The following RPF2 variants were observed in gnomAD, a reference collection of about 807,000 sequenced individuals.
The protein encoded by RPF2 is brix domain containing 1.
A neutral mutation model predicts 38.9 loss-of-function variants in RPF2; 21 were observed. That is an observed-to-expected ratio of 0.54 (90% CI 0.38 to 0.78). The LOEUF is 0.78. RPF2 is among the 30% of genes least tolerant of loss of function. The probability of loss-of-function intolerance (pLI) is 0.00; values close to 1 mark genes in which losing one functional copy is unlikely to be tolerated. For missense variants in RPF2, 314 were observed against 358.1 expected, an observed-to-expected ratio of 0.88 and a Z score of 0.99; for synonymous variants, 121 against 126.2, an observed-to-expected ratio of 0.96 and a Z score of 0.28.
intron 3 of RPF2, among the ~76,000 whole-genome samples, chr6:110,991,275 G>T (rs559462626): frequency 6.6e-6 from 1 of 151,308 alleles, no homozygotes; most frequent in African/African-American, 2.4e-5. Context: ...GCTTTTTATT[G>T]TTCCTTTTTC....
At chr6:111,021,297 A>G (rs138726339) in intron 8 of RPF2, among the ~76,000 whole-genome samples, 80 of 152,332 alleles carry the variant, frequency 5.3e-4, no homozygotes, top group African/African-American at 1.6e-3. Flanking sequence ...AAAAAGTTTG[A>G]AATTTTAAAA....
At position 111,018,087 on chromosome 6, in the gene RPF2, C is replaced by A. The variant is rs540499816; in HGVS notation, c.596+2231C>A. On this transcript the variant is annotated intron_variant, in intron 8 of 9. Transcript: ENST00000441448. The stretch of plus-strand genomic sequence containing the variant: ...AACCAGTCAGGCGTGGCGGCGCGCG[C>A]CTGCAGTCGCAGGCACTCGGCAGGC... Among the ~76,000 whole-genome samples the A allele has an allele frequency of 1.4e-3, 207 of 152,094 alleles. 1 individual carries two copies. The highest frequency in any genetic ancestry group is 2.7e-3 in the Non-Finnish European group (185 of 67,958).
chr6:111,017,372 T>C (rs9386989), intron 8 of RPF2, among the ~76,000 whole-genome samples: 56,387 of 144,380 alleles, frequency 0.39, 11,748 homozygotes, highest in East Asian at 0.77. Context: ...GCCTCCCTCC[T>C]GGACGGGGCG....
intron 8 of RPF2, among the ~76,000 whole-genome samples, chr6:111,023,848 T>C (rs1583277586): frequency 6.6e-6 from 1 of 151,626 alleles, no homozygotes; most frequent in Non-Finnish European, 1.5e-5. Flanking sequence ...ATTAGCCAGG[T>C]GTGGTGGCGG....
chr6:111,012,722 T>C (rs1363372477), intron 7 of RPF2, among the ~76,000 whole-genome samples: 1 of 152,128 alleles, frequency 6.6e-6, no homozygotes, highest in African/African-American at 2.4e-5. Context: ...CAGGCTGGAG[T>C]GCAATGGAGC....
At chr6:111,012,509 T>A (rs963341821) in intron 7 of RPF2, among the ~76,000 whole-genome samples, 9 of 152,090 alleles carry the variant, frequency 5.9e-5, no homozygotes, top group South Asian at 2.1e-4. Flanking sequence ...TATGGTTGTT[T>A]AAAAAAATTT....
chr6:110,997,952 T>C (rs981095476), intron 5 of RPF2, among the ~76,000 whole-genome samples: 1 of 151,446 alleles, frequency 6.6e-6, no homozygotes, highest in African/African-American at 2.4e-5. Context: ...TCACCCAGAC[T>C]GGAGTGCAAT....
chr6:111,005,204 G>A (rs1287432011), intron 6 of RPF2, among the ~76,000 whole-genome samples: 1 of 152,198 alleles, frequency 6.6e-6, no homozygotes, highest in Admixed American at 6.5e-5. Flanking sequence ...ATGTCAACAA[G>A]AGTGGTCATG....
At chr6:111,019,003 G>A (rs748418974) in intron 8 of RPF2, among the ~76,000 whole-genome samples, 28 of 152,050 alleles carry the variant, frequency 1.8e-4, no homozygotes, top group Non-Finnish European at 3.2e-4. Flanking sequence ...ATTGCTCGAG[G>A]CCAGGAGTTC....
chr6:111,019,169 G>A (rs118033510), intron 8 of RPF2, among the ~76,000 whole-genome samples: 2,128 of 152,244 alleles, frequency 0.014, 26 homozygotes, highest in Middle Eastern at 0.041. Context: ...GATCACTTGA[G>A]GAGTTCAAGA....
intron 8 of RPF2, among the ~76,000 whole-genome samples, chr6:111,017,734 C>T (rs1268238205): frequency 2.1e-3 from 302 of 144,928 alleles, no homozygotes; most frequent in East Asian, 0.01. Flanking sequence ...CCAGACTGGG[C>T]AGCCGGGCAG....
At chr6:111,011,305 TTTC>T (rs201427637) in intron 7 of RPF2, among the ~76,000 whole-genome samples, 3,235 of 134,564 alleles carry the variant, frequency 0.024, 81 homozygotes, top group African/African-American at 0.071. Flanking sequence ...TCTTTCTTTC[TTTC>T]TTTTTTTTTT....
chr6:110,982,315 C>T, intron 1 of RPF2, 186 bp downstream of exon 1: 1 of 647,362 alleles, frequency 1.5e-6, no homozygotes, highest in Non-Finnish European at 2.7e-6. Context: ...GGGAAGCTCT[C>T]AAGTGGGAGC....
chr6:110,982,209 C>G (rs1771443990), intron 1 of RPF2, 80 bp downstream of exon 1: 3 of 1,494,346 alleles, frequency 2.0e-6, no homozygotes, highest in Non-Finnish European at 2.8e-6. Flanking sequence ...CTCGGCCTCT[C>G]ACTCTTCCTG....
At chr6:111,000,942 T>C (rs538909289) in intron 6 of RPF2, among the ~76,000 whole-genome samples, 1 of 152,164 alleles carries the variant, frequency 6.6e-6, no homozygotes, top group Non-Finnish European at 1.5e-5. Context: ...TAGTTGGAAG[T>C]ATTGTAGCAA....
intron 8 of RPF2, among the ~76,000 whole-genome samples, chr6:111,017,177 G>T (rs962220840): frequency 1.3e-5 from 2 of 152,100 alleles, no homozygotes; most frequent in African/African-American, 2.4e-5. Flanking sequence ...ATCATGGCCC[G>T]TTCTCAATGA....
At chr6:111,000,025 C>G (rs1259593273) in intron 6 of RPF2, among the ~76,000 whole-genome samples, 1 of 151,498 alleles carries the variant, frequency 6.6e-6, no homozygotes, top group African/African-American at 2.4e-5. Flanking sequence ...ACTGTGGTTA[C>G]TAATTCTTGT....
At chr6:110,999,681 T>A (rs756739143) in intron 5 of RPF2, 30 bp from the exon 6 acceptor site, 1 of 1,465,390 alleles carries the variant, frequency 6.8e-7, no homozygotes, top group East Asian at 2.3e-5. Flanking sequence ...TTGGGAAAAA[T>A]ACATGCTTAA....
intron 7 of RPF2, 67 bp downstream of exon 7, chr6:111,008,204 G>C (rs1771950797): frequency 1.4e-6 from 2 of 1,470,666 alleles, no homozygotes; most frequent in Admixed American, 5.3e-5. Flanking sequence ...CTCACTGGTG[G>C]CACTTTGCTA....
Sources: allele counts gnomAD v4.1 joint callset (sites outside exome capture counted in the v4.1 genomes callset), GRCh38; gene constraint gnomAD v4.1.1; transcripts MANE v1.5; gene names NCBI Gene and HGNC (gene_info 2026-07-23, HGNC 2026-07-21).